Variants in CDH4 observed in about 807,000 individuals in gnomAD.
CDH4 encodes cadherin-4.
A neutral mutation model predicts 86.0 loss-of-function variants in CDH4; 33 were observed. The observed-to-expected ratio is 0.38, with a 90% CI of 0.29 to 0.51. The LOEUF is 0.51. Ranked by LOEUF, CDH4 falls within the 20% of genes least tolerant of loss-of-function variation. The pLI is 0.86. For synonymous variants in CDH4, 555 were observed against 549.4 expected (o/e 1.01, Z -0.14); for missense variants, 1,114 against 1,307.4 (o/e 0.85, Z 2.28).
At chr20:61,557,166 C>T (rs952965684) in intron 2 of CDH4, among the ~76,000 whole-genome samples, 1 of 152,166 alleles carries the variant, frequency 6.6e-6, no homozygotes, top group Non-Finnish European at 1.5e-5. Context: ...TGGACACGTT[C>T]TGTGATCGAA....
chr20:61,858,231 G>A (rs540065467), intron 6 of CDH4, among the ~76,000 whole-genome samples: 6 of 150,622 alleles, frequency 4.0e-5, no homozygotes, highest in Non-Finnish European at 7.4e-5. Context: ...CTCTGTGTCT[G>A]TGTGTCTGTG....
chr20:61,615,502 C>A (rs2086718263), intron 2 of CDH4, among the ~76,000 whole-genome samples: 1 of 152,176 alleles, frequency 6.6e-6, no homozygotes, highest in African/African-American at 2.4e-5. Flanking sequence ...CCACGTGCAG[C>A]TTATTTGCCA....
intron 3 of CDH4, among the ~76,000 whole-genome samples, chr20:61,745,497 T>A (rs906434590): frequency 6.6e-6 from 1 of 151,932 alleles, no homozygotes; most frequent in Non-Finnish European, 1.5e-5. Context: ...GGGAAGGAGG[T>A]CTTGAGAGTC....
intron 2 of CDH4, among the ~76,000 whole-genome samples, chr20:61,616,931 C>A (rs945881903): frequency 1.3e-5 from 2 of 151,730 alleles, no homozygotes; most frequent in Non-Finnish European, 2.9e-5. Flanking sequence ...TGGGGGGCTG[C>A]TGGGTGGAGG....
intron 4 of CDH4, among the ~76,000 whole-genome samples, chr20:61,777,739 A>AACACACACCCACATGC (rs2088860856): frequency 1.4e-5 from 1 of 73,038 alleles, no homozygotes; most frequent in Non-Finnish European, 2.9e-5. Flanking sequence ...TGCATACAAA[A>AACACACACCCACATGC]ACACACACCC....
intron 7 of CDH4, among the ~76,000 whole-genome samples, chr20:61,887,077 T>C (rs1984576579): frequency 6.6e-6 from 1 of 152,100 alleles, no homozygotes; most frequent in South Asian, 2.1e-4. Context: ...CATGACCGCC[T>C]CATGAGCACA....
chr20:61,703,622 CAA>C lies in CDH4; in HGVS notation c.170-39939_170-39938del, dbSNP rs2145888575. Among the ~76,000 whole-genome samples the C allele has an allele frequency of 1.3e-5, 2 of 152,318 alleles. No individual in the cohort carries two copies. The highest frequency in any genetic ancestry group is 4.8e-5 in the African/African-American group (2 of 41,578). On this transcript the variant is annotated intron_variant, in intron 2 of 15. Transcript: ENST00000614565. This position sits in a 1 kb window ranked among gnomAD's most constrained non-coding sequence, Gnocchi z 4.3. ...TCTTCCCCGTGCCTGGATGAATCTG[CAA>C]AGAGAGCGGGGATCTGATGTGTGCA... is the stretch of plus-strand genomic sequence containing the variant.
chr20:61,652,307 G>A lies in CDH4; in HGVS notation c.170-91256G>A, dbSNP rs114884157. On this transcript the variant is annotated intron_variant, in intron 2 of 15. Coordinates refer to ENST00000614565, the MANE Select transcript of CDH4 (RefSeq NM_001794.5). ...CTCCTTTGTATACGCAGCTATGTATGTGGTTTCGCTTATTGCAGTGGGACC... is the reference window on the plus strand; with the variant it reads ...CTCCTTTGTATACGCAGCTATGTATATGGTTTCGCTTATTGCAGTGGGACC... Among the ~76,000 whole-genome samples the A allele has an allele frequency of 1.9e-3, 289 of 151,844 alleles. 1 individual carries two copies. The highest frequency in any genetic ancestry group is 6.7e-3 in the African/African-American group (276 of 41,434).
chr20:61,504,611 C>A (rs947524717), intron 2 of CDH4, among the ~76,000 whole-genome samples: 3 of 152,236 alleles, frequency 2.0e-5, no homozygotes, highest in African/African-American at 7.2e-5. Context: ...GTGGTGGCTG[C>A]TTTTCAGCAG....
intron 2 of CDH4, among the ~76,000 whole-genome samples, chr20:61,261,855 A>G (rs2084129140): frequency 6.6e-6 from 1 of 152,214 alleles, no homozygotes; most frequent in South Asian, 2.1e-4. Flanking sequence ...AAGTGGGTCT[A>G]AACTCTCGAC....
intron 2 of CDH4, among the ~76,000 whole-genome samples, chr20:61,296,262 C>CGT (rs370558703): frequency 4.5e-5 from 2 of 44,500 alleles, no homozygotes; most frequent in African/African-American, 1.0e-4. Flanking sequence ...TGCATGTGTG[C>CGT]GTGTGTGTGT....
At chr20:61,872,827 G>A (rs934797277) in intron 6 of CDH4, among the ~76,000 whole-genome samples, 8 of 152,214 alleles carry the variant, frequency 5.3e-5, no homozygotes, top group South Asian at 2.1e-4. Context: ...GGCCTCCACC[G>A]GGTACAGCGC....
At chr20:61,528,352 G>A (rs1005035476) in intron 2 of CDH4, among the ~76,000 whole-genome samples, 5 of 130,960 alleles carry the variant, frequency 3.8e-5, no homozygotes, top group African/African-American at 6.8e-5. Context: ...ACTCCAGCCC[G>A]GGTGAAAGAG....
At chr20:61,685,514 C>T (rs751994735) in intron 2 of CDH4, among the ~76,000 whole-genome samples, 9 of 152,256 alleles carry the variant, frequency 5.9e-5, no homozygotes, top group Non-Finnish European at 1.3e-4. Context: ...CCGTCTCTCC[C>T]CTCTGGATTG....
chr20:61,511,362 G>A (rs894388271), intron 2 of CDH4, among the ~76,000 whole-genome samples: 14 of 152,290 alleles, frequency 9.2e-5, no homozygotes, highest in African/African-American at 1.2e-4. Context: ...TCCACGGCTT[G>A]TGCCAGGAAG....
chr20:61,395,469 A>T (rs1277961295), intron 2 of CDH4, among the ~76,000 whole-genome samples: 1 of 152,172 alleles, frequency 6.6e-6, no homozygotes, highest in East Asian at 1.9e-4. Flanking sequence ...ATGACATAAC[A>T]TATGCATAGT....
chr20:61,525,566 C>T (rs1003056422), intron 2 of CDH4, among the ~76,000 whole-genome samples: 4 of 152,144 alleles, frequency 2.6e-5, no homozygotes, highest in East Asian at 1.9e-4. Flanking sequence ...CTGCAGAAGC[C>T]GGGACTTGCT....
intron 2 of CDH4, among the ~76,000 whole-genome samples, chr20:61,475,908 A>T (rs568447115): frequency 5.3e-5 from 8 of 152,030 alleles, no homozygotes; most frequent in Non-Finnish European, 1.2e-4. Context: ...GCATCTGCCC[A>T]TGAGTGTTGC....
At chr20:61,662,811 C>T (rs1445890807) in intron 2 of CDH4, among the ~76,000 whole-genome samples, 1 of 152,134 alleles carries the variant, frequency 6.6e-6, no homozygotes. Flanking sequence ...CCTGCAGCAC[C>T]CCAGGGAGGC....
Sources: gnomAD v4.1 joint callset for allele counts (sites outside exome capture counted in the v4.1 genomes callset) on GRCh38, gnomAD v4.1.1 for gene constraint, Gnocchi (gnomAD v3.1) non-coding constraint, MANE v1.5 for transcripts, NCBI Gene and HGNC (gene_info 2026-07-23, HGNC 2026-07-21) for gene names.